RPS6KB1: variants seen among roughly 807,000 people sequenced by gnomAD.
RPS6KB1 encodes ribosomal protein S6 kinase beta-1.
A neutral mutation model predicts 70.2 loss-of-function variants in RPS6KB1; 12 were observed. That is an observed-to-expected ratio of 0.17 (90% CI 0.11 to 0.28). The LOEUF is 0.28. RPS6KB1 is among the 10% of genes least tolerant of loss of function. The pLI, the probability that RPS6KB1 is intolerant of heterozygous loss-of-function variation, is 1.00. For synonymous variants in RPS6KB1, 175 were observed against 211.2 expected (o/e 0.83, Z 1.49); for missense variants, 270 against 646.6 (o/e 0.42, Z 6.32).
intron 1 of RPS6KB1, among the ~76,000 whole-genome samples, chr17:59,896,919 A>AT (rs1374241322): frequency 6.6e-6 from 1 of 151,842 alleles, no homozygotes; most frequent in Non-Finnish European, 1.5e-5. Context: ...CCTGAAATAA[A>AT]AAAAAAAAAA....
intron 1 of RPS6KB1, among the ~76,000 whole-genome samples, chr17:59,896,179 G>C (rs1034615170): frequency 6.6e-6 from 1 of 151,868 alleles, no homozygotes; most frequent in Non-Finnish European, 1.5e-5. Flanking sequence ...TTCCAGACTG[G>C]GTTTATTTTA....
chr17:59,918,340 C>T (rs1227296361), intron 4 of RPS6KB1, among the ~76,000 whole-genome samples: 1 of 137,326 alleles, frequency 7.3e-6, no homozygotes, highest in East Asian at 2.1e-4. Flanking sequence ...TCTTCTCTTA[C>T]CCCTCTGAGA....
intron 1 of RPS6KB1, among the ~76,000 whole-genome samples, chr17:59,909,393 G>A (rs1332534963): frequency 6.7e-6 from 1 of 150,290 alleles, no homozygotes; most frequent in Non-Finnish European, 1.5e-5. Context: ...TCAGCCTCTT[G>A]AGTAGCTGGA....
chr17:59,912,579 T>C, intron 2 of RPS6KB1, 105 bp from the exon 3 acceptor site: 5 of 1,209,112 alleles, frequency 4.1e-6, no homozygotes, highest in Non-Finnish European at 5.8e-6. Flanking sequence ...ACTTTTTTAC[T>C]TTTACTTACT....
intron 4 of RPS6KB1, among the ~76,000 whole-genome samples, chr17:59,917,382 CT>C (rs751049769): frequency 2.0e-5 from 3 of 151,946 alleles, no homozygotes; most frequent in Non-Finnish European, 2.9e-5. Flanking sequence ...ACCCAAAGTG[CT>C]GGGATTGGAT....
In RPS6KB1 at chr17:59,893,307, G is replaced by A; in HGVS notation, c.123G>A (p.Glu41=). 6.2e-7 allele frequency: 1 copy of A among 1,610,022 alleles called. No homozygotes were observed. Among genetic ancestry groups the A allele is most frequent in the Non-Finnish European group, 8.5e-7 (1 of 1,178,360 alleles). ...DLDQPEDAGS[E]DELEEGGQLN... ...ACCAGCCAGAGGACGCGGGCTCTGA[G>A]GATGAGCTGGAGGAGGGGGTGAGGC... The change falls in exon 1 of 15, where the codon GAG becomes GAA. Residue 41 remains glutamate (E), a synonymous_variant. Coordinates refer to ENST00000225577, the MANE Select transcript of RPS6KB1 (RefSeq NM_003161.4). The surrounding 1 kb of genome is among the most constrained non-coding windows in gnomAD (Gnocchi z 4.1).
intron 4 of RPS6KB1, among the ~76,000 whole-genome samples, chr17:59,915,412 GA>G (rs1255671471): frequency 2.6e-5 from 4 of 152,148 alleles, no homozygotes; most frequent in African/African-American, 9.6e-5. Context: ...ATTCTTTGCT[GA>G]GGTAACTCTT....
intron 5 of RPS6KB1, 85 bp downstream of exon 5, chr17:59,926,667 T>C (rs982238338): frequency 7.8e-6 from 9 of 1,159,002 alleles, no homozygotes; most frequent in Non-Finnish European, 8.7e-6. Context: ...AGAATACTTT[T>C]TCCCATTATG....
At chr17:59,901,568 G>A (rs1438975053) in intron 1 of RPS6KB1, among the ~76,000 whole-genome samples, 1 of 145,514 alleles carries the variant, frequency 6.9e-6, no homozygotes, top group Non-Finnish European at 1.5e-5. Context: ...GGCAGATGGA[G>A]CGCATGAGCC....
intron 5 of RPS6KB1, among the ~76,000 whole-genome samples, chr17:59,929,612 A>G (rs2043823749): frequency 1.3e-5 from 2 of 152,378 alleles, no homozygotes; most frequent in South Asian, 4.1e-4. Flanking sequence ...TCAATGTGAT[A>G]TAACCTTTTA....
At position 59,918,355 on chromosome 17, in the gene RPS6KB1, T is replaced by C. The variant is rs896175269; in HGVS notation, c.381+3652T>C. 1.5e-4 allele frequency among the ~76,000 whole-genome samples: 23 copies of C among 151,956 alleles called. 1 individual carries two copies. Among genetic ancestry groups the C allele is most frequent in the Non-Finnish European group, 2.9e-4 (20 of 67,954 alleles). ...TCTTCTCTTACCCCTCTGAGAGTTT[T>C]ATTTTTTTTTAATGTTTATTATTAT... is the stretch of plus-strand genomic sequence containing the variant. On this transcript the variant is annotated intron_variant, in intron 4 of 14. Transcript: ENST00000225577.
chr17:59,893,299 G>T lies in RPS6KB1; in HGVS notation c.115G>T (p.Gly39Cys), dbSNP rs769152306. 7.4e-6 allele frequency: 12 copies of T among 1,611,284 alleles called. No individual in the cohort carries two copies. The highest frequency in any genetic ancestry group is 1.0e-5 in the Non-Finnish European group (12 of 1,178,942). Residue 39 changes from glycine to cysteine, a missense_variant, in exon 1 of 15, where the codon GGC (glycine) becomes TGC (cysteine). Physicochemically the swap from Gly to Cys is radical, Grantham distance 159. Transcript: ENST00000225577. The surrounding 1 kb of genome is among the most constrained non-coding windows in gnomAD (Gnocchi z 4.1). ...AGACCTGGACCAGCCAGAGGACGCG[G>T]GCTCTGAGGATGAGCTGGAGGAGGG... ...DIDLDQPEDAGSEDELEEGGQ... is the reference protein window; with the variant it reads ...DIDLDQPEDACSEDELEEGGQ...
At chr17:59,905,372 C>T (rs186733252) in intron 1 of RPS6KB1, among the ~76,000 whole-genome samples, 2 of 152,136 alleles carry the variant, frequency 1.3e-5, no homozygotes, top group East Asian at 3.9e-4. Context: ...TTCAGTAAAT[C>T]GATTTATTGA....
In RPS6KB1 at chr17:59,914,758, T is replaced by A. The variant is rs187577985; in HGVS notation, c.381+55T>A. The A allele has an allele frequency of 5.6e-5, 70 of 1,253,812 alleles. No individual in the cohort carries two copies. The African/African-American group carries it at 9.6e-4, about 17-fold the overall frequency. 77.7% of individuals were successfully genotyped at this position (1,253,812 alleles called of 1,614,324 possible). On this transcript the variant is annotated intron_variant, in intron 4 of 14. Transcript: ENST00000225577. ...ACACACCATATTTTTACACTTGATC[T>A]CAGCCAAAAGGCTGGGAAGCAATCA...
At chr17:59,918,879 T>C (rs983073005) in intron 4 of RPS6KB1, among the ~76,000 whole-genome samples, 14 of 147,890 alleles carry the variant, frequency 9.5e-5, no homozygotes, top group Non-Finnish European at 1.9e-4. Flanking sequence ...TCGTCTAGGC[T>C]GGAGTGCAGT....
At chr17:59,944,862 G>A (rs537632391) in intron 13 of RPS6KB1, among the ~76,000 whole-genome samples, 4 of 149,154 alleles carry the variant, frequency 2.7e-5, no homozygotes, top group Non-Finnish European at 4.4e-5. Flanking sequence ...GCAGTGGTGC[G>A]ATCTCTGCTC....
At position 59,932,175 on chromosome 17, in the gene RPS6KB1, T is replaced by C. The variant is rs550978518; in HGVS notation, c.688+453T>C. 1.6e-3 allele frequency among the ~76,000 whole-genome samples: 239 copies of C among 151,270 alleles called. 4 individuals are homozygous for C. In the South Asian group the frequency reaches 0.023, roughly 15 times the overall value. ...ATCCCAGCACTTTGGGAGGCTAAGGTGGGTGGATCACCTGAGGTCAGGAGT... is the reference window on the plus strand; with the variant it reads ...ATCCCAGCACTTTGGGAGGCTAAGGCGGGTGGATCACCTGAGGTCAGGAGT... On this transcript the variant is annotated intron_variant, in intron 7 of 14. Coordinates refer to ENST00000225577, the MANE Select transcript of RPS6KB1 (RefSeq NM_003161.4).
Position 59,947,676 on chromosome 17 carries a change from A to G in RPS6KB1, c.*888A>G. On this transcript the variant is annotated 3_prime_UTR_variant, in exon 15 of 15. Transcript: ENST00000225577. ...CATCATTGTCCCGGGCCTGCATTGC[A>G]CTGGAAAAAAAAATCGCCACCTGTT... The G allele has an allele frequency of 4.5e-6, 4 of 883,176 alleles. No homozygotes were observed. Among genetic ancestry groups the G allele is most frequent in the Non-Finnish European group, 7.3e-6 (4 of 546,196 alleles). The allele number at this position is 883,176 out of a possible 1,614,324, so 54.7% of individuals were successfully genotyped here.
intron 1 of RPS6KB1, among the ~76,000 whole-genome samples, chr17:59,903,648 A>G (rs929177865): frequency 1.3e-5 from 2 of 152,050 alleles, no homozygotes; most frequent in African/African-American, 4.8e-5. Context: ...CGGTTGCACC[A>G]TTTTACATTC....
Sources: allele counts gnomAD v4.1 joint callset (sites outside exome capture counted in the v4.1 genomes callset), GRCh38; gene constraint gnomAD v4.1.1; non-coding constraint Gnocchi (gnomAD v3.1); transcripts MANE v1.5; gene names NCBI Gene and HGNC (gene_info 2026-07-23, HGNC 2026-07-21).